The following INSIG2 variants were observed in gnomAD, a reference collection of about 807,000 sequenced individuals.
INSIG2 encodes insulin-induced gene 2 protein.
In INSIG2, 10 loss-of-function variants were observed where a neutral mutation model predicts 27.2. That is an observed-to-expected ratio of 0.37 (90% CI 0.23 to 0.62). The LOEUF is 0.62. Among genes scored for constraint, INSIG2 ranks in the 20% least tolerant of loss-of-function variants. INSIG2 has a pLI of 0.65. For synonymous variants in INSIG2, 97 were observed against 95.8 expected, an observed-to-expected ratio of 1.01 and a Z score of -0.07; for missense variants, 178 against 270.2, an observed-to-expected ratio of 0.66 and a Z score of 2.39.
Position 118,096,517 on chromosome 2 carries a change from C to CATTT in INSIG2, c.-39_-36dup. On this transcript the variant is annotated 5_prime_UTR_variant, in exon 2 of 6. Coordinates refer to ENST00000245787, the MANE Select transcript of INSIG2 (RefSeq NM_016133.4). The stretch of plus-strand genomic sequence containing the variant: ...GAGCTTTTCAGCTGGGAAGCCTTTC[C>CATTT]ATTTTTTTTTTTTTAACGGCTTTCT... The CATTT allele has an allele frequency of 1.3e-6, 2 of 1,486,120 alleles. No individual in the cohort carries two copies. The highest frequency in any genetic ancestry group is 3.5e-4 in the Middle Eastern group (2 of 5,654). The allele number at this position is 1,486,120 out of a possible 1,614,324, so 92.1% of individuals were successfully genotyped here.
chr2:118,106,993 G>A, intron 4 of INSIG2, 90 bp downstream of exon 4: 3 of 1,521,960 alleles, frequency 2.0e-6, no homozygotes, highest in East Asian at 2.3e-5. Flanking sequence ...AATGAGGTTA[G>A]CCAGTTTAAT....
At chr2:118,094,889 A>G (rs1425642379) in intron 1 of INSIG2, among the ~76,000 whole-genome samples, 1 of 152,186 alleles carries the variant, frequency 6.6e-6, no homozygotes, top group South Asian at 2.1e-4. Context: ...AAATGTATAA[A>G]TTTTATGTGA....
chr2:118,108,181 G>C (rs1678721653), intron 5 of INSIG2, 100 bp from the exon 6 acceptor site: 12 of 726,436 alleles, frequency 1.7e-5, no homozygotes. Context: ...TGGGCACATA[G>C]TAATAAAATG....
At chr2:118,108,256 C>T (rs765874211) in intron 5 of INSIG2, 25 bp from the exon 6 acceptor site, 4 of 1,545,928 alleles carry the variant, frequency 2.6e-6, no homozygotes, top group Non-Finnish European at 3.5e-6. Context: ...AATCTGTTAA[C>T]CTTTTAACCT....
chr2:118,096,933 C>A, intron 2 of INSIG2, 133 bp downstream of exon 2: 1 of 1,000,758 alleles, frequency 1.0e-6, no homozygotes, highest in African/African-American at 1.6e-5. Context: ...ATACACTGGA[C>A]CCGTTTGAAT....
chr2:118,093,713 G>A (rs1400079126), intron 1 of INSIG2, among the ~76,000 whole-genome samples: 1 of 113,694 alleles, frequency 8.8e-6, no homozygotes, highest in Admixed American at 9.1e-5. Context: ...ACTGAACCTT[G>A]CCAAGAGCAA....
chr2:118,097,726 A>G (rs1188367304), intron 2 of INSIG2, among the ~76,000 whole-genome samples: 1 of 152,244 alleles, frequency 6.6e-6, no homozygotes, highest in Non-Finnish European at 1.5e-5. Flanking sequence ...GATAATTCTG[A>G]TTGAAGGAGA....
chr2:118,091,927 TAGTG>T (rs1678241747), intron 1 of INSIG2, among the ~76,000 whole-genome samples: 1 of 152,126 alleles, frequency 6.6e-6, no homozygotes, highest in African/African-American at 2.4e-5. Context: ...AGGGGGCATT[TAGTG>T]GGTGGGAGCC....
At chr2:118,103,470 G>A (rs189225530) in intron 3 of INSIG2, 149 bp downstream of exon 3, 75 of 616,946 alleles carry the variant, frequency 1.2e-4, no homozygotes, top group East Asian at 1.1e-3. Context: ...TTGAAACATC[G>A]GTGTAGCAGC....
intron 1 of INSIG2, among the ~76,000 whole-genome samples, chr2:118,093,352 C>T (rs2911637): frequency 0.012 from 46 of 3,762 alleles, no homozygotes; most frequent in Admixed American, 0.034. Flanking sequence ...TGAACCTTGC[C>T]AAAAGCAACC....
chr2:118,103,243 A>C lies in INSIG2; in HGVS notation c.291A>C (p.Glu97Asp). 6.2e-7 allele frequency: 1 copy of C among 1,613,848 alleles called. No homozygotes were observed. Among genetic ancestry groups the C allele is most frequent in the Non-Finnish European group, 8.5e-7 (1 of 1,179,842 alleles). Residue 97 changes from glutamate (E) to aspartate (D), a missense_variant, in exon 3 of 6, where the codon GAA (glutamate) becomes GAC (aspartate). Glu to Asp is a conservative substitution (Grantham distance 45, BLOSUM62 2). Coordinates refer to ENST00000245787, the MANE Select transcript of INSIG2 (RefSeq NM_016133.4). Reference protein sequence around the residue: ...LYPCIDRHLGEPHKFKREWSS... With the variant: ...LYPCIDRHLGDPHKFKREWSS... ...CCTGCATTGACAGACATCTAGGAGA[A>C]CCACATAAATTTAAAAGAGAGTGGT...
chr2:118,110,629 C>CA lies in INSIG2; in HGVS notation c.*2313dup, dbSNP rs1224335610. ...CCTCTAGAAAATAAGATAATTATAGCAAAAAATAAAATTGTTTTGAAATTT... is the reference window on the plus strand; with the variant it reads ...CCTCTAGAAAATAAGATAATTATAGCAAAAAAATAAAATTGTTTTGAAATTT... On this transcript the variant is annotated 3_prime_UTR_variant, in exon 6 of 6. Coordinates refer to ENST00000245787, the MANE Select transcript of INSIG2 (RefSeq NM_016133.4). 1 of 151,882 alleles carries CA rather than the reference C, an allele frequency of 6.6e-6. No homozygotes were observed. 9.4% of individuals were successfully genotyped at this position (151,882 alleles called of 1,614,324 possible).
intron 1 of INSIG2, among the ~76,000 whole-genome samples, chr2:118,095,960 T>G (rs1257016106): frequency 2.0e-5 from 3 of 152,214 alleles, no homozygotes; most frequent in Non-Finnish European, 4.4e-5. Context: ...AAGTAACATT[T>G]TATTGCAAAA....
intron 2 of INSIG2, among the ~76,000 whole-genome samples, chr2:118,099,130 T>C (rs1170047324): frequency 6.6e-6 from 1 of 152,180 alleles, no homozygotes. Flanking sequence ...TTAAGAAACA[T>C]AGTGTGTTTG....
chr2:118,092,982 T>A (rs1051078330), intron 1 of INSIG2, among the ~76,000 whole-genome samples: 6 of 144,652 alleles, frequency 4.1e-5, no homozygotes, highest in African/African-American at 1.3e-4. Context: ...CTGTAGCTAC[T>A]GAACCTTGCT....
At chr2:118,101,434 A>T (rs542674046) in intron 2 of INSIG2, among the ~76,000 whole-genome samples, 17 of 152,184 alleles carry the variant, frequency 1.1e-4, no homozygotes, top group Non-Finnish European at 2.2e-4. Flanking sequence ...GATTTTACTT[A>T]TTTATACCTT....
rs1020393400 is a variant in INSIG2 at position 118,109,314 on chromosome 2, A to G, written c.*992A>G. 2.0e-5 allele frequency: 3 copies of G among 152,138 alleles called. No homozygotes were observed. Among genetic ancestry groups the G allele is most frequent in the South Asian group, 2.1e-4 (1 of 4,822 alleles). 9.4% of individuals were successfully genotyped at this position (152,138 alleles called of 1,614,324 possible). A position where few individuals can be genotyped will look rare whatever the true frequency, so the allele number is the denominator to read the frequency against. On this transcript the variant is annotated 3_prime_UTR_variant, in exon 6 of 6. Coordinates refer to ENST00000245787, the MANE Select transcript of INSIG2 (RefSeq NM_016133.4). ...TGTAGCTTTAGCTGGGTTCAGTCAT[A>G]TGACTCGTTGGTGGAATGCCTAGGT...
chr2:118,096,531 T>TC lies in INSIG2; in HGVS notation c.-26_-25insC. 1.9e-6 allele frequency: 3 copies of TC among 1,567,736 alleles called. No individual in the cohort carries two copies. Among genetic ancestry groups the TC allele is most frequent in the Non-Finnish European group, 2.6e-6 (3 of 1,162,098 alleles). On this transcript the variant is annotated 5_prime_UTR_variant, in exon 2 of 6. Transcript: ENST00000245787. Reference sequence around the variant, plus strand: ...GGAAGCCTTTCCATTTTTTTTTTTTTAACGGCTTTCTGAACCTATGAAACC... The same window carrying TC: ...GGAAGCCTTTCCATTTTTTTTTTTTTCAACGGCTTTCTGAACCTATGAAACC...
intron 2 of INSIG2, 118 bp downstream of exon 2, chr2:118,096,918 G>A (rs1678422158): frequency 8.7e-7 from 1 of 1,154,790 alleles, no homozygotes; most frequent in Non-Finnish European, 1.2e-6. Context: ...TATAATTTAG[G>A]TATAATACAC....
Sources: allele counts gnomAD v4.1 joint callset (sites outside exome capture counted in the v4.1 genomes callset), GRCh38; gene constraint gnomAD v4.1.1; transcripts MANE v1.5; gene names NCBI Gene and HGNC (gene_info 2026-07-23, HGNC 2026-07-21).